COL23A1: variants seen among roughly 807,000 people sequenced by gnomAD.
The protein encoded by COL23A1 is collagen alpha-1(XXIII) chain.
In COL23A1, 97 loss-of-function variants were observed where a neutral mutation model predicts 99.3. The ratio of observed to expected loss-of-function variants is 0.98; its 90% CI spans 0.83 to 1.16. COL23A1 has a LOEUF of 1.16. COL23A1 is among the 50% of genes most tolerant of loss of function. The pLI is 0.00. For missense variants in COL23A1, 762 were observed against 757.4 expected (o/e 1.01, Z -0.07); for synonymous variants, 320 against 308.2 (o/e 1.04, Z -0.40).
chr5:178,420,223 T>C (rs1300385380), intron 2 of COL23A1, among the ~76,000 whole-genome samples: 2 of 151,950 alleles, frequency 1.3e-5, no homozygotes, highest in African/African-American at 2.4e-5. Context: ...TCCTCTTCTA[T>C]GAAATGGGGG....
chr5:178,306,177 G>A lies in COL23A1; in HGVS notation c.406+698C>T, dbSNP rs965557682. Among the ~76,000 whole-genome samples, 3 of 152,128 alleles carry A rather than the reference G, an allele frequency of 2.0e-5. No homozygotes were observed. Among genetic ancestry groups the A allele is most frequent in the African/African-American group, 4.8e-5 (2 of 41,416 alleles). ...GAGGGAGGAAGCGCAGGGAGGAAGC[G>A]CAGCCCAGACAGCCGGGACTGCCCA... On this transcript the variant is annotated intron_variant, in intron 3 of 28. Coordinates refer to ENST00000390654, the MANE Select transcript of COL23A1 (RefSeq NM_173465.4). This position sits in a 1 kb window ranked among gnomAD's most constrained non-coding sequence, Gnocchi z 4.1.
At position 178,255,238 on chromosome 5, in the gene COL23A1, C is replaced by T. The variant is rs1398390364; in HGVS notation, c.883-212G>A. 2.0e-5 allele frequency among the ~76,000 whole-genome samples: 3 copies of T among 152,058 alleles called. 1 individual carries two copies. Among genetic ancestry groups the T allele is most frequent in the Middle Eastern group, 6.3e-3 (2 of 316 alleles). ...ACCTGTTTCCACCTGGTCTGAGGGG[C>T]GGCTGTAATTGCCCTCACGTGGGCA... On this transcript the variant is annotated intron_variant, in intron 15 of 28. Coordinates refer to ENST00000390654, the MANE Select transcript of COL23A1 (RefSeq NM_173465.4). The surrounding 1 kb of genome is among the most constrained non-coding windows in gnomAD (Gnocchi z 4.2).
chr5:178,428,625 G>A lies in COL23A1; in HGVS notation c.362-121706C>T, dbSNP rs141716400. Among the ~76,000 whole-genome samples the A allele has an allele frequency of 1.3e-5, 2 of 152,376 alleles. No homozygotes were observed. The highest frequency in any genetic ancestry group is 3.9e-4 in the East Asian group (2 of 5,180). ...TTTTAGCCCCCGAGCCAGGATGGCA[G>A]CCTCTTCTCCTGACCTCATTATGTC... is the stretch of plus-strand genomic sequence containing the variant. On this transcript the variant is annotated intron_variant, in intron 2 of 28. Coordinates refer to ENST00000390654, the MANE Select transcript of COL23A1 (RefSeq NM_173465.4). The surrounding 1 kb of genome is among the most constrained non-coding windows in gnomAD (Gnocchi z 5.0).
intron 12 of COL23A1, 28 bp from the exon 13 acceptor site, chr5:178,257,595 G>C (rs1338671060): frequency 1.9e-6 from 3 of 1,551,652 alleles, no homozygotes; most frequent in Non-Finnish European, 2.6e-6. Context: ...GGGGCTTGCC[G>C]GTCAGACCCT....
chr5:178,579,093 A>G lies in COL23A1; in HGVS notation c.294+10811T>C, dbSNP rs973229137. On this transcript the variant is annotated intron_variant, in intron 1 of 28. Coordinates refer to ENST00000390654, the MANE Select transcript of COL23A1 (RefSeq NM_173465.4). ...TGACTCAGAGGCTGGACATGTGCTAACAGCTTTTTTGCTTCTGTATATCCT... is the reference window on the plus strand; with the variant it reads ...TGACTCAGAGGCTGGACATGTGCTAGCAGCTTTTTTGCTTCTGTATATCCT... 4.6e-5 allele frequency among the ~76,000 whole-genome samples: 7 copies of G among 152,300 alleles called. No individual in the cohort carries two copies. The South Asian group carries it at 1.5e-3, about 32-fold the overall frequency.
intron 2 of COL23A1, among the ~76,000 whole-genome samples, chr5:178,484,208 GCCA>G (rs1757488243): frequency 1.3e-5 from 2 of 152,140 alleles, no homozygotes; most frequent in Non-Finnish European, 1.5e-5. Flanking sequence ...ACAGGTGTGA[GCCA>G]CCACGCCCAA....
At chr5:178,381,554 G>C (rs953427341) in intron 2 of COL23A1, among the ~76,000 whole-genome samples, 24 of 152,334 alleles carry the variant, frequency 1.6e-4, no homozygotes, top group Admixed American at 1.1e-3. Flanking sequence ...GGACGGAATG[G>C]TATACAGAGC....
At chr5:178,256,756 T>A in intron 14 of COL23A1, 110 bp downstream of exon 14, 1 of 1,100,314 alleles carries the variant, frequency 9.1e-7, no homozygotes, top group Admixed American at 2.4e-5. Flanking sequence ...GGTCAGGCCC[T>A]CCTGGGACTT....
chr5:178,259,803 C>G, intron 11 of COL23A1, 56 bp from the exon 12 acceptor site: 1 of 1,507,452 alleles, frequency 6.6e-7, no homozygotes, highest in Non-Finnish European at 9.0e-7. Context: ...GAGAGTGGCC[C>G]GGACCCCGGA....
At chr5:178,363,736 C>T (rs1346389642) in intron 2 of COL23A1, among the ~76,000 whole-genome samples, 1 of 152,234 alleles carries the variant, frequency 6.6e-6, no homozygotes, top group African/African-American at 2.4e-5. Flanking sequence ...GACACTGGCT[C>T]ACTGCGCTAG....
intron 2 of COL23A1, among the ~76,000 whole-genome samples, chr5:178,514,738 A>C (rs1039371027): frequency 6.6e-6 from 1 of 152,196 alleles, no homozygotes; most frequent in Non-Finnish European, 1.5e-5. Flanking sequence ...TAAATTTGTA[A>C]CTGACATGTA....
intron 2 of COL23A1, among the ~76,000 whole-genome samples, chr5:178,502,180 G>T (rs1284564036): frequency 6.6e-6 from 1 of 152,204 alleles, no homozygotes; most frequent in Non-Finnish European, 1.5e-5. Context: ...CGCCCAGGCT[G>T]GAGTGCAGTG....
chr5:178,348,929 G>A (rs897773521), intron 2 of COL23A1, among the ~76,000 whole-genome samples: 1 of 152,248 alleles, frequency 6.6e-6, no homozygotes, highest in African/African-American at 2.4e-5. Flanking sequence ...CCCCACCCGC[G>A]TCAGCAGCAC....
At chr5:178,458,679 C>A (rs1351108966) in intron 2 of COL23A1, among the ~76,000 whole-genome samples, 6 of 143,794 alleles carry the variant, frequency 4.2e-5, no homozygotes, top group Non-Finnish European at 6.2e-5. Flanking sequence ...AACAAACAAA[C>A]AAAAAATAAA....
rs187602696 is a variant in COL23A1, at chr5:178,379,630, C to A, written c.362-72711G>T. On this transcript the variant is annotated intron_variant, in intron 2 of 28. Transcript: ENST00000390654. ...GGTGTGGTGGCTCACACCTGTAATCCCAGGACTTTGGGAGGCCGAGGTGGG... is the reference window on the plus strand; with the variant it reads ...GGTGTGGTGGCTCACACCTGTAATCACAGGACTTTGGGAGGCCGAGGTGGG... Among the ~76,000 whole-genome samples the A allele has an allele frequency of 9.6e-3, 1,457 of 152,074 alleles. 30 individuals are homozygous for A. The highest frequency in any genetic ancestry group is 0.033 in the African/African-American group (1,388 of 41,492).
chr5:178,566,734 T>C (rs1448245874), intron 1 of COL23A1, among the ~76,000 whole-genome samples: 2 of 151,946 alleles, frequency 1.3e-5, no homozygotes, highest in East Asian at 3.9e-4. Context: ...GAGAATCACT[T>C]GAACCCGGGA....
intron 1 of COL23A1, among the ~76,000 whole-genome samples, chr5:178,585,106 C>T (rs1360412644): frequency 6.6e-6 from 1 of 152,126 alleles, no homozygotes; most frequent in Non-Finnish European, 1.5e-5. Flanking sequence ...ACAGCAGAGC[C>T]CCAGGGGAGG....
chr5:178,516,355 C>T (rs976707343), intron 2 of COL23A1, among the ~76,000 whole-genome samples: 1 of 152,256 alleles, frequency 6.6e-6, no homozygotes, highest in Non-Finnish European at 1.5e-5. Context: ...CCACCCGCAC[C>T]CAGCTCAGAT....
chr5:178,269,893 C>T (rs1561810750), intron 6 of COL23A1, among the ~76,000 whole-genome samples: 1 of 152,208 alleles, frequency 6.6e-6, no homozygotes. Context: ...TTATGTCTCC[C>T]TGCATGTTTT....
Sources: gnomAD v4.1 joint callset for allele counts (sites outside exome capture counted in the v4.1 genomes callset) on GRCh38, gnomAD v4.1.1 for gene constraint, Gnocchi (gnomAD v3.1) non-coding constraint, MANE v1.5 for transcripts, NCBI Gene and HGNC (gene_info 2026-07-23, HGNC 2026-07-21) for gene names.